PDCD1LG2: variants seen among roughly 807,000 people sequenced by gnomAD.
PDCD1LG2 encodes the protein B7 dendritic cell molecule.
In PDCD1LG2, 32 loss-of-function variants were observed where a neutral mutation model predicts 28.2. That is an observed-to-expected ratio of 1.13 (90% CI 0.86 to 1.52). The LOEUF (loss-of-function observed/expected upper bound fraction) is 1.52. PDCD1LG2 is among the 40% of genes most tolerant of loss of function. PDCD1LG2 has a pLI of 0.00. For synonymous variants in PDCD1LG2, 116 were observed against 120.2 expected (o/e 0.97, Z 0.23); for missense variants, 385 against 323.8 (o/e 1.19, Z -1.45).
intron 5 of PDCD1LG2, among the ~76,000 whole-genome samples, chr9:5,560,118 T>C (rs1748239605): frequency 6.6e-6 from 1 of 152,216 alleles, no homozygotes; most frequent in Non-Finnish European, 1.5e-5. Flanking sequence ...AGCACCTACT[T>C]CTTCTTTCAG....
chr9:5,543,783 G>A (rs969059253), intron 3 of PDCD1LG2, among the ~76,000 whole-genome samples: 41 of 149,916 alleles, frequency 2.7e-4, no homozygotes, highest in Non-Finnish European at 8.9e-5. Flanking sequence ...CTGCAGTAGC[G>A]GGAAGCCTAG....
chr9:5,536,935 A>G (rs914205503), intron 3 of PDCD1LG2, among the ~76,000 whole-genome samples: 1 of 152,142 alleles, frequency 6.6e-6, no homozygotes, highest in East Asian at 1.9e-4. Flanking sequence ...TAAGCCTACC[A>G]CTCACTCATC....
intron 3 of PDCD1LG2, among the ~76,000 whole-genome samples, chr9:5,539,985 T>C (rs1487401249): frequency 2.6e-5 from 4 of 152,180 alleles, no homozygotes; most frequent in East Asian, 1.9e-4. Context: ...ATAGACTATA[T>C]AGTAGGCCAC....
intron 6 of PDCD1LG2, among the ~76,000 whole-genome samples, chr9:5,567,906 T>C (rs1393729244): frequency 1.3e-5 from 2 of 152,240 alleles, no homozygotes; most frequent in Non-Finnish European, 2.9e-5. Flanking sequence ...GCTTTCTATA[T>C]ACTTTTGGTC....
At chr9:5,534,657 G>T in intron 2 of PDCD1LG2, 88 bp from the exon 3 acceptor site, 1 of 1,210,846 alleles carries the variant, frequency 8.3e-7, no homozygotes, top group Non-Finnish European at 1.1e-6. Flanking sequence ...TGGAAAATGG[G>T]GGTGAGATGG....
At chr9:5,541,043 G>T (rs746910666) in intron 3 of PDCD1LG2, among the ~76,000 whole-genome samples, 9 of 152,212 alleles carry the variant, frequency 5.9e-5, no homozygotes, top group Non-Finnish European at 8.8e-5. Context: ...CACCAGGGAT[G>T]CAGGGATGGT....
intron 1 of PDCD1LG2, among the ~76,000 whole-genome samples, chr9:5,514,305 A>G (rs1820115044): frequency 6.6e-6 from 1 of 152,222 alleles, no homozygotes; most frequent in Non-Finnish European, 1.5e-5. Context: ...AGATAATTAA[A>G]GCTTCAGCAC....
intron 1 of PDCD1LG2, among the ~76,000 whole-genome samples, chr9:5,516,137 T>C (rs1263636613): frequency 2.0e-5 from 3 of 151,694 alleles, no homozygotes; most frequent in East Asian, 2.0e-4. Flanking sequence ...CTGCAACCTC[T>C]GCCTCCCGGG....
intron 3 of PDCD1LG2, among the ~76,000 whole-genome samples, chr9:5,535,632 T>C (rs866182328): frequency 2.0e-5 from 3 of 152,068 alleles, no homozygotes; most frequent in South Asian, 2.1e-4. Flanking sequence ...GGTCATGGTA[T>C]AAATTTTTTT....
rs371591949 is a variant in PDCD1LG2 at position 5,557,757 on chromosome 9, G to A, written c.766+5G>A. ...AAAAGCTGTATTCTTCAAAAGGTAA[G>A]TGAGTTTTATTCATGGTAACCCAAT... is the stretch of plus-strand genomic sequence containing the variant. On this transcript the variant is annotated splice_donor_5th_base_variant and intron_variant, in intron 5 of 6. Coordinates refer to ENST00000397747, the MANE Select transcript of PDCD1LG2 (RefSeq NM_025239.4). 1.8e-5 allele frequency: 29 copies of A among 1,613,804 alleles called. No individual in the cohort carries two copies. The highest frequency in any genetic ancestry group is 9.3e-5 in the African/African-American group (7 of 74,914).
rs770000726 is a variant in PDCD1LG2 at position 5,534,773 on chromosome 9, A to T, written c.84A>T (p.Glu28Asp). 1 of 1,612,368 alleles carries T rather than the reference A, an allele frequency of 6.2e-7. No homozygotes were observed. The highest frequency in any genetic ancestry group is 8.5e-7 in the Non-Finnish European group (1 of 1,178,758). ...AALFTVTVPK[E>D]LYIIEHGSNV... ...TATTCACAGTGACAGTCCCTAAGGA[A>T]CTGTACATAATAGAGCATGGCAGCA... Residue 28 changes from glutamate (E) to aspartate (D), a missense_variant, in exon 3 of 7, where the codon GAA (glutamate) becomes GAT (aspartate). Transcript: ENST00000397747.
intron 5 of PDCD1LG2, among the ~76,000 whole-genome samples, chr9:5,561,667 C>A (rs980960276): frequency 6.6e-6 from 1 of 152,172 alleles, no homozygotes; most frequent in Non-Finnish European, 1.5e-5. Flanking sequence ...GAATCTAGAT[C>A]TTTAGAACAT....
At chr9:5,560,033 TTCA>T (rs1383835955) in intron 5 of PDCD1LG2, among the ~76,000 whole-genome samples, 1 of 152,204 alleles carries the variant, frequency 6.6e-6, no homozygotes, top group Non-Finnish European at 1.5e-5. Flanking sequence ...AAGCTTATAC[TTCA>T]TCAAGTCTTT....
At chr9:5,516,161 C>T (rs1820158317) in intron 1 of PDCD1LG2, among the ~76,000 whole-genome samples, 1 of 151,946 alleles carries the variant, frequency 6.6e-6, no homozygotes, top group Non-Finnish European at 1.5e-5. Flanking sequence ...AAGCGATTCT[C>T]CTGCTTCAGC....
At chr9:5,564,628 G>GTT (rs1210547279) in intron 6 of PDCD1LG2, among the ~76,000 whole-genome samples, 3 of 152,154 alleles carry the variant, frequency 2.0e-5, no homozygotes, top group African/African-American at 7.2e-5. Context: ...CCCAAACACT[G>GTT]TTTTCATCAT....
chr9:5,535,563 G>A (rs552700646), intron 3 of PDCD1LG2, among the ~76,000 whole-genome samples: 10 of 152,248 alleles, frequency 6.6e-5, no homozygotes, highest in African/African-American at 2.2e-4. Flanking sequence ...ACATCACAGA[G>A]TAGGACTGAG....
chr9:5,536,458 A>G (rs1009542606), intron 3 of PDCD1LG2, among the ~76,000 whole-genome samples: 10 of 152,198 alleles, frequency 6.6e-5, no homozygotes, highest in Admixed American at 1.3e-4. Context: ...TCCTACATCC[A>G]GGCAGCAGCT....
In PDCD1LG2 at chr9:5,536,859, T is replaced by C. The variant is rs534028883; in HGVS notation, c.361+1809T>C. Among the ~76,000 whole-genome samples the C allele has an allele frequency of 3.9e-5, 6 of 152,342 alleles. 1 individual carries two copies. In the East Asian group the frequency reaches 9.6e-4, roughly 24 times the overall value. ...CTTCCCCAAATACTCGTTCCCAAAATTGACGAGCCTGACAATGTGCATGCC... is the reference window on the plus strand; with the variant it reads ...CTTCCCCAAATACTCGTTCCCAAAACTGACGAGCCTGACAATGTGCATGCC... On this transcript the variant is annotated intron_variant, in intron 3 of 6. Transcript: ENST00000397747.
At chr9:5,542,389 G>C (rs1820703999) in intron 3 of PDCD1LG2, among the ~76,000 whole-genome samples, 2 of 152,164 alleles carry the variant, frequency 1.3e-5, no homozygotes, top group African/African-American at 4.8e-5. Flanking sequence ...AATCAGCAGA[G>C]TTAACAGACA....
Sources: gnomAD v4.1 joint callset for allele counts (sites outside exome capture counted in the v4.1 genomes callset) on GRCh38, gnomAD v4.1.1 for gene constraint, MANE v1.5 for transcripts, NCBI Gene and HGNC (gene_info 2026-07-23, HGNC 2026-07-21) for gene names.